STK35: variants seen among roughly 807,000 people sequenced by gnomAD.
The protein encoded by STK35 is serine/threonine kinase 35.
A neutral mutation model predicts 37.3 loss-of-function variants in STK35; 17 were observed. The ratio of observed to expected loss-of-function variants is 0.46; its 90% CI spans 0.31 to 0.68. The LOEUF is 0.68. Ranked by LOEUF, STK35 falls within the 30% of genes least tolerant of loss-of-function variation. The pLI is 0.05. For missense variants in STK35, 595 were observed against 746.7 expected (o/e 0.80, Z 2.37); for synonymous variants, 385 against 319.1 (o/e 1.21, Z -2.20).
rs1162172664 is a variant in STK35 at position 2,103,249 on chromosome 20, A to T, written c.776A>T (p.Gln259Leu). ...WALTSLKRRH[Q>L]NVVQFEECVL... ...CTCACCAGCCTCAAGCGGCGCCACC[A>T]GAACGTCGTGCAGTTTGAGGAGTGC... is the stretch of plus-strand genomic sequence containing the variant. The change falls in exon 2 of 4, where the codon CAG (glutamine) becomes CTG (leucine). Residue 259 changes from glutamine (Q) to leucine (L), a missense_variant. Physicochemically the swap from Gln to Leu is moderately radical, Grantham distance 113 (BLOSUM62 -2). This residue lies in a region of STK35 where 97 missense variants were observed against 146.4 expected (regional missense o/e 0.66). Transcript: ENST00000381482. The T allele has an allele frequency of 1.2e-6, 2 of 1,613,250 alleles. No homozygotes were observed. Among genetic ancestry groups the T allele is most frequent in the Non-Finnish European group, 8.5e-7 (1 of 1,179,894 alleles).
intron 3 of STK35, among the ~76,000 whole-genome samples, chr20:2,131,657 G>A (rs1215216177): frequency 6.6e-6 from 1 of 152,074 alleles, no homozygotes; most frequent in African/African-American, 2.4e-5. Context: ...TTAGCTTACT[G>A]TAACTTTTTT....
intron 3 of STK35, among the ~76,000 whole-genome samples, chr20:2,118,565 G>C (rs1357790664): frequency 6.6e-6 from 1 of 150,504 alleles, no homozygotes; most frequent in Non-Finnish European, 1.5e-5. Context: ...CTGGGCAACA[G>C]AGCGAGACTC....
intron 3 of STK35, among the ~76,000 whole-genome samples, chr20:2,118,476 G>A (rs1985758620): frequency 6.6e-6 from 1 of 152,164 alleles, no homozygotes; most frequent in Non-Finnish European, 1.5e-5. Flanking sequence ...CAGCTACTCG[G>A]GAGGCTGAGG....
chr20:2,104,565 G>A (rs1985478013), intron 2 of STK35, among the ~76,000 whole-genome samples: 1 of 152,090 alleles, frequency 6.6e-6, no homozygotes, highest in Non-Finnish European at 1.5e-5. Context: ...AAGGCGTAAT[G>A]CTGTTCTCTG....
chr20:2,140,236 C>G (rs1986151597), intron 3 of STK35, among the ~76,000 whole-genome samples: 1 of 152,128 alleles, frequency 6.6e-6, no homozygotes, highest in Non-Finnish European at 1.5e-5. Flanking sequence ...GGGCTCTGGT[C>G]AGAGGTAGGG....
intron 3 of STK35, among the ~76,000 whole-genome samples, chr20:2,138,916 G>T (rs923498095): frequency 6.6e-6 from 1 of 151,974 alleles, no homozygotes; most frequent in Non-Finnish European, 1.5e-5. Flanking sequence ...AATCCCAGCT[G>T]CTCAGGAGGC....
chr20:2,119,009 C>G (rs1985769514), intron 3 of STK35, among the ~76,000 whole-genome samples: 1 of 152,112 alleles, frequency 6.6e-6, no homozygotes, highest in South Asian at 2.1e-4. Context: ...GTTAAGCGAC[C>G]CATAACTGTA....
Position 2,125,060 on chromosome 20 carries a change from C to T in STK35, c.*37+7645C>T, listed in dbSNP as rs558308225. ...GACAGGCCTGGCCCGGGGCTGTTGACGTCAAGGCCCAGTTGCTGCTCACAT... is the reference window on the plus strand; with the variant it reads ...GACAGGCCTGGCCCGGGGCTGTTGATGTCAAGGCCCAGTTGCTGCTCACAT... On this transcript the variant is annotated intron_variant, in intron 3 of 3. Transcript: ENST00000381482. 7.2e-5 allele frequency among the ~76,000 whole-genome samples: 11 copies of T among 152,350 alleles called. No homozygotes were observed. In the South Asian group the frequency reaches 1.7e-3, roughly 23 times the overall value.
intron 3 of STK35, among the ~76,000 whole-genome samples, chr20:2,130,281 C>T (rs938479478): frequency 3.3e-5 from 5 of 152,098 alleles, no homozygotes; most frequent in African/African-American, 4.8e-5. Flanking sequence ...AGTTTTGCTG[C>T]GAACAAAGAG....
chr20:2,132,022 C>T (rs980205727), intron 3 of STK35, among the ~76,000 whole-genome samples: 4 of 152,146 alleles, frequency 2.6e-5, no homozygotes, highest in Non-Finnish European at 5.9e-5. Flanking sequence ...TCAGTACTCC[C>T]CACTCTTTTT....
intron 1 of STK35, 54 bp from the exon 2 acceptor site, chr20:2,102,714 G>A (rs1985420219): frequency 3.0e-6 from 4 of 1,316,440 alleles, no homozygotes; most frequent in East Asian, 3.1e-5. Context: ...CGCGGCCTAC[G>A]CTCCTGGCCT....
Position 2,102,793 on chromosome 20 carries a change from C to T in STK35, c.320C>T (p.Pro107Leu), listed in dbSNP as rs1432803669. The T allele has an allele frequency of 3.4e-5, 51 of 1,488,228 alleles. No homozygotes were observed. Among genetic ancestry groups the T allele is most frequent in the Non-Finnish European group, 4.2e-5 (47 of 1,121,992 alleles). The allele number at this position is 1,488,228 out of a possible 1,614,324, so 92.2% of individuals were successfully genotyped here. Reference sequence around the variant, plus strand: ...GTCACAATCCAAGGTCCGGCTCCTCCGCGTCCCAGGGCCGGACGGAGGGAT... The same window carrying T: ...GTCACAATCCAAGGTCCGGCTCCTCTGCGTCCCAGGGCCGGACGGAGGGAT... ...GQVTIQGPAP[P>L]RPRAGRRDEA... is the part of the protein sequence containing the mutation. The change falls in exon 2 of 4, where the codon CCG becomes CTG. Residue 107 changes from proline to leucine, a missense_variant. Physicochemically the swap from Pro to Leu is moderately conservative, Grantham distance 98. Transcript: ENST00000381482.
In STK35 at chr20:2,144,065, G is replaced by A; in HGVS notation, c.*319G>A. The stretch of plus-strand genomic sequence containing the variant: ...ACCAATTTCTTTAAAGAAATTCAAT[G>A]TGGGCAAGGCATATGTGTAAATTTC... On this transcript the variant is annotated 3_prime_UTR_variant, in exon 4 of 4. Coordinates refer to ENST00000381482, the MANE Select transcript of STK35 (RefSeq NM_080836.4). 2 of 355,050 alleles carry A rather than the reference G, an allele frequency of 5.6e-6. No individual in the cohort carries two copies. Among genetic ancestry groups the A allele is most frequent in the South Asian group, 4.4e-5 (2 of 45,776 alleles). 22.0% of individuals were successfully genotyped at this position (355,050 alleles called of 1,614,324 possible). A position where few individuals can be genotyped will look rare whatever the true frequency, so the allele number is the denominator to read the frequency against.
intron 2 of STK35, among the ~76,000 whole-genome samples, chr20:2,112,979 TA>T (rs1985648397): frequency 6.6e-6 from 1 of 152,206 alleles, no homozygotes; most frequent in Non-Finnish European, 1.5e-5. Flanking sequence ...ACTGGGGAAA[TA>T]CCCGCAGTTG....
Position 2,116,864 on chromosome 20 carries a change from A to G in STK35, c.1091A>G (p.Asp364Gly). The G allele has an allele frequency of 6.2e-7, 1 of 1,614,204 alleles. No homozygotes were observed. Among genetic ancestry groups the G allele is most frequent in the Non-Finnish European group, 8.5e-7 (1 of 1,180,038 alleles). The change falls in exon 3 of 4, where the codon GAC becomes GGC. Residue 364 changes from aspartate to glycine, a missense_variant. Coordinates refer to ENST00000381482, the MANE Select transcript of STK35 (RefSeq NM_080836.4). The stretch of plus-strand genomic sequence containing the variant: ...ATTGTGCACAGGGACCTGAAGCCAG[A>G]CAACATCCTCATCACAGAGCGGTCT... ...NHIVHRDLKP[D>G]NILITERSGT...
At chr20:2,118,950 C>T (rs1419542496) in intron 3 of STK35, among the ~76,000 whole-genome samples, 2 of 152,192 alleles carry the variant, frequency 1.3e-5, no homozygotes, top group Non-Finnish European at 2.9e-5. Context: ...TGACATTACA[C>T]AACAATCGCC....
At position 2,122,196 on chromosome 20, in the gene STK35, T is replaced by A. The variant is rs550346558; in HGVS notation, c.*37+4781T>A. Among the ~76,000 whole-genome samples the A allele has an allele frequency of 2.4e-4, 37 of 152,128 alleles. No homozygotes were observed. The South Asian group carries it at 4.0e-3, about 16-fold the overall frequency. On this transcript the variant is annotated intron_variant, in intron 3 of 3. Coordinates refer to ENST00000381482, the MANE Select transcript of STK35 (RefSeq NM_080836.4). ...TAAAAATACAAAAATTAGCCAGGTG[T>A]GGTGGCACATGCCATAGGCCCAGTA...
At chr20:2,120,507 G>A (rs2122559202) in intron 3 of STK35, among the ~76,000 whole-genome samples, 1 of 152,294 alleles carries the variant, frequency 6.6e-6, no homozygotes, top group East Asian at 1.9e-4. Flanking sequence ...CCTGGGCCCA[G>A]GTCTGTGACC....
intron 3 of STK35, among the ~76,000 whole-genome samples, chr20:2,134,917 G>A (rs955601988): frequency 2.3e-4 from 35 of 152,178 alleles, no homozygotes; most frequent in African/African-American, 7.9e-4. Flanking sequence ...AAAAATGCCT[G>A]GGATATGCAT....
Sources: gnomAD v4.1 joint callset for allele counts (sites outside exome capture counted in the v4.1 genomes callset) on GRCh38, gnomAD v4.1.1 for gene constraint, gnomAD v4.1.1 regional missense constraint, MANE v1.5 for transcripts, NCBI Gene and HGNC (gene_info 2026-07-23, HGNC 2026-07-21) for gene names.